Variants in ANKHD1 observed in about 807,000 individuals in gnomAD.
ANKHD1 encodes ankyrin repeat and KH domain-containing protein 1.
ANKHD1 carries 31 observed loss-of-function variants against 230.5 expected under a neutral mutation model. The ratio of observed to expected loss-of-function variants is 0.13; its 90% confidence interval spans 0.10 to 0.18. The LOEUF (loss-of-function observed/expected upper bound fraction) is 0.18. ANKHD1 is among the 10% of genes least tolerant of loss of function. The pLI is 1.00. For missense variants in ANKHD1, 2,256 were observed against 3,071.3 expected (o/e 0.73, Z 6.27); for synonymous variants, 1,074 against 1,117.6 (o/e 0.96, Z 0.78).
chr5:140,419,979 T>C (rs867414006), intron 1 of ANKHD1, among the ~76,000 whole-genome samples: 48 of 12,210 alleles, frequency 3.9e-3, no homozygotes, highest in Middle Eastern at 0.12. Flanking sequence ...CCCTCCCCTC[T>C]CCTCCCCTCC....
intron 1 of ANKHD1, among the ~76,000 whole-genome samples, chr5:140,419,864 T>TC: frequency 7.1e-6 from 1 of 140,528 alleles, no homozygotes; most frequent in African/African-American, 2.7e-5. Flanking sequence ...TTTTCTTTCT[T>TC]TTCTTTCTTT....
intron 9 of ANKHD1, among the ~76,000 whole-genome samples, chr5:140,462,657 A>G (rs1277233118): frequency 7.2e-6 from 1 of 139,508 alleles, no homozygotes; most frequent in African/African-American, 2.6e-5. Flanking sequence ...CCCGAGAGGC[A>G]GAGCTTGCAG....
intron 7 of ANKHD1, among the ~76,000 whole-genome samples, chr5:140,456,458 C>T (rs1371055811): frequency 6.6e-6 from 1 of 152,202 alleles, no homozygotes; most frequent in African/African-American, 2.4e-5. Context: ...TGACTTCAAA[C>T]TATACTACAA....
chr5:140,477,258 T>C (rs1047261366), intron 10 of ANKHD1, among the ~76,000 whole-genome samples: 1 of 152,150 alleles, frequency 6.6e-6, no homozygotes, highest in African/African-American at 2.4e-5. Context: ...CCAAATAAAA[T>C]ATAAAACTGC....
chr5:140,522,422 A>G (rs1447230797), intron 24 of ANKHD1, among the ~76,000 whole-genome samples: 1 of 152,216 alleles, frequency 6.6e-6, no homozygotes, highest in Non-Finnish European at 1.5e-5. Context: ...ACAATGCTCA[A>G]TGATTGTAAG....
rs544011216 is a variant in ANKHD1, at chr5:140,482,441, A to G, written c.1783-139A>G. 14 of 839,202 alleles carry G rather than the reference A, an allele frequency of 1.7e-5. No homozygotes were observed. The East Asian group carries it at 4.1e-4, about 25-fold the overall frequency. The allele number at this position is 839,202 out of a possible 1,614,324, so 52.0% of individuals were successfully genotyped here. A position where few individuals can be genotyped will look rare whatever the true frequency, so the allele number is the denominator to read the frequency against. On this transcript the variant is annotated intron_variant, in intron 10 of 33. Coordinates refer to ENST00000360839, the MANE Select transcript of ANKHD1 (RefSeq NM_017747.3). Reference sequence around the variant, plus strand: ...ACTGAAAATCCTGTATAATGGGGGAATTGAGGTAGGTGGTATAAAGTGTCT... The same window carrying G: ...ACTGAAAATCCTGTATAATGGGGGAGTTGAGGTAGGTGGTATAAAGTGTCT...
At chr5:140,502,055 A>G (rs1752331250) in intron 15 of ANKHD1, among the ~76,000 whole-genome samples, 1 of 151,500 alleles carries the variant, frequency 6.6e-6, no homozygotes, top group African/African-American at 2.4e-5. Context: ...AAAAAAAAAA[A>G]GCATACCGTA....
At chr5:140,501,987 A>G (rs1365139806) in intron 15 of ANKHD1, among the ~76,000 whole-genome samples, 1 of 151,574 alleles carries the variant, frequency 6.6e-6, no homozygotes. Context: ...GGATTGCATG[A>G]GGCCAAGAGT....
At chr5:140,421,737 T>A (rs1771999438) in intron 1 of ANKHD1, among the ~76,000 whole-genome samples, 1 of 152,238 alleles carries the variant, frequency 6.6e-6, no homozygotes, top group South Asian at 2.1e-4. Flanking sequence ...AGGTTACTAA[T>A]TATTTCAGCT....
intron 10 of ANKHD1, among the ~76,000 whole-genome samples, chr5:140,476,049 T>C (rs1750947985): frequency 6.6e-6 from 1 of 152,048 alleles, no homozygotes; most frequent in South Asian, 2.1e-4. Flanking sequence ...TAATTACGTA[T>C]TAAGAACAGG....
chr5:140,472,449 C>T, intron 10 of ANKHD1: 1 of 1,352,960 alleles, frequency 7.4e-7, no homozygotes. Context: ...TTATGAAGTC[C>T]CAATAAAAAG....
chr5:140,436,407 C>A, intron 2 of ANKHD1, 150 bp downstream of exon 2: 1 of 1,119,600 alleles, frequency 8.9e-7, no homozygotes. Flanking sequence ...AGAAAATGTT[C>A]ACATTTTGTA....
intron 15 of ANKHD1, among the ~76,000 whole-genome samples, chr5:140,503,295 GAAT>G (rs1464443381): frequency 6.6e-6 from 1 of 151,818 alleles, no homozygotes; most frequent in African/African-American, 2.4e-5. Context: ...TTTCTTGAGT[GAAT>G]AATGTTTTTA....
At position 140,506,774 on chromosome 5, in the gene ANKHD1, C is replaced by G. The variant is rs1193203565; in HGVS notation, c.3409-61C>G. On this transcript the variant is annotated intron_variant, in intron 18 of 33. Transcript: ENST00000360839. This position sits in a 1 kb window ranked among gnomAD's most constrained non-coding sequence, Gnocchi z 4.7. ...TATAAGTCCTGTTTCTTTGTGTTTC[C>G]TTCATTATAAGTTGAGCCCTTGGTG... The G allele has an allele frequency of 6.3e-7, 1 of 1,581,136 alleles. No individual in the cohort carries two copies. Among genetic ancestry groups the G allele is most frequent in the East Asian group, 2.3e-5 (1 of 44,154 alleles).
At chr5:140,407,391 C>G in intron 1 of ANKHD1, among the ~76,000 whole-genome samples, 1 of 151,272 alleles carries the variant, frequency 6.6e-6, no homozygotes. Flanking sequence ...GCCACCACAC[C>G]CAGCCTATTT....
chr5:140,425,985 C>T (rs532835251), intron 1 of ANKHD1, among the ~76,000 whole-genome samples: 8 of 152,030 alleles, frequency 5.3e-5, no homozygotes, highest in Non-Finnish European at 1.2e-4. Flanking sequence ...GTGGAGGGCT[C>T]ACGTTGGGTA....
intron 4 of ANKHD1, 38 bp from the exon 5 acceptor site, chr5:140,440,957 G>C (rs749057875): frequency 6.6e-7 from 1 of 1,510,468 alleles, no homozygotes; most frequent in Non-Finnish European, 8.8e-7. Flanking sequence ...TGAATAGTAA[G>C]AATTAACAAT....
At chr5:140,456,386 AG>A (rs1459119732) in intron 7 of ANKHD1, among the ~76,000 whole-genome samples, 1 of 152,374 alleles carries the variant, frequency 6.6e-6, no homozygotes, top group Non-Finnish European at 1.5e-5. Flanking sequence ...GAACCAAAAA[AG>A]AGCCCACATT....
At position 140,431,730 on chromosome 5, in the gene ANKHD1, T is replaced by C. The variant is rs149637327; in HGVS notation, c.307-4374T>C. On this transcript the variant is annotated intron_variant, in intron 1 of 33. Coordinates refer to ENST00000360839, the MANE Select transcript of ANKHD1 (RefSeq NM_017747.3). ...CTCTCCATTATGTCTTACTGCCTAA[T>C]TGAAACTTGAGTTTACATCCACTGT... Among the ~76,000 whole-genome samples the C allele has an allele frequency of 4.6e-4, 70 of 152,336 alleles. 1 individual carries two copies. The highest frequency in any genetic ancestry group is 6.8e-3 in the Middle Eastern group (2 of 294).
Sources: gnomAD v4.1 joint callset for allele counts (sites outside exome capture counted in the v4.1 genomes callset) on GRCh38, gnomAD v4.1.1 for gene constraint, Gnocchi (gnomAD v3.1) non-coding constraint, MANE v1.5 for transcripts, NCBI Gene and HGNC (gene_info 2026-07-23, HGNC 2026-07-21) for gene names.